PDZRN4: variants seen among roughly 807,000 people sequenced by gnomAD.
PDZRN4 encodes PDZ domain-containing RING finger protein 4.
PDZRN4 carries 70 observed loss-of-function variants against 99.0 expected under a neutral mutation model. The ratio of observed to expected loss-of-function variants is 0.71; its 90% CI spans 0.58 to 0.86. PDZRN4 has a LOEUF of 0.86. Ranked by LOEUF, PDZRN4 falls within the 40% of genes least tolerant of loss-of-function variation. PDZRN4 has a pLI of 0.00. For missense variants in PDZRN4, 1,474 were observed against 1,331.2 expected (o/e 1.11, Z -1.67); for synonymous variants, 551 against 501.6 (o/e 1.10, Z -1.32).
chr12:41,205,539 C>T (rs1409130896), intron 3 of PDZRN4, among the ~76,000 whole-genome samples: 3 of 151,874 alleles, frequency 2.0e-5, no homozygotes, highest in South Asian at 2.1e-4. Flanking sequence ...AGCACTTTCC[C>T]GTCTCAAGGA....
At chr12:41,272,533 G>A (rs149116597) in intron 3 of PDZRN4, among the ~76,000 whole-genome samples, 173 of 151,914 alleles carry the variant, frequency 1.1e-3, no homozygotes, top group African/African-American at 3.9e-3. Context: ...TAAGGGTCAC[G>A]GATTTAATTG....
chr12:41,290,401 T>TTAA (rs564989642), intron 3 of PDZRN4, among the ~76,000 whole-genome samples: 2 of 152,270 alleles, frequency 1.3e-5, no homozygotes, highest in East Asian at 3.9e-4. Flanking sequence ...AAAAGAAAAG[T>TTAA]TAATAGGTCA....
chr12:41,495,424 A>G (rs1937979212), intron 3 of PDZRN4, among the ~76,000 whole-genome samples: 1 of 152,098 alleles, frequency 6.6e-6, no homozygotes, highest in African/African-American at 2.4e-5. Context: ...GCTGGCTGTT[A>G]TAGAAAATCT....
chr12:41,507,656 T>C (rs1051002249), intron 4 of PDZRN4, among the ~76,000 whole-genome samples: 1 of 151,994 alleles, frequency 6.6e-6, no homozygotes, highest in African/African-American at 2.4e-5. Context: ...TAAATGAGAA[T>C]TCTTAGAGTA....
At chr12:41,447,026 A>G (rs1016204671) in intron 3 of PDZRN4, among the ~76,000 whole-genome samples, 2 of 152,040 alleles carry the variant, frequency 1.3e-5, no homozygotes, top group African/African-American at 4.8e-5. Context: ...GACTATAGTT[A>G]TTGAGGATCT....
At chr12:41,555,605 C>A in intron 6 of PDZRN4, 93 bp from the exon 7 acceptor site, 7 of 945,666 alleles carry the variant, frequency 7.4e-6, no homozygotes, top group Non-Finnish European at 1.2e-5. Context: ...AATTTTGAAA[C>A]AGCTTTTTCA....
At chr12:41,212,799 C>A (rs906246568) in intron 3 of PDZRN4, among the ~76,000 whole-genome samples, 1 of 151,940 alleles carries the variant, frequency 6.6e-6, no homozygotes, top group Non-Finnish European at 1.5e-5. Context: ...ACATTTATAG[C>A]ATAACTAGAA....
At chr12:41,513,577 G>A (rs1012325324) in intron 5 of PDZRN4, among the ~76,000 whole-genome samples, 1 of 151,996 alleles carries the variant, frequency 6.6e-6, no homozygotes, top group Non-Finnish European at 1.5e-5. Context: ...GGTGTTCCAT[G>A]CCACTGGAAT....
intron 3 of PDZRN4, among the ~76,000 whole-genome samples, chr12:41,302,712 A>G (rs1262359611): frequency 6.6e-6 from 1 of 152,080 alleles, no homozygotes. Context: ...GAGATGTCAC[A>G]GCCTTGTAGA....
chr12:41,304,567 A>T (rs555644655), intron 3 of PDZRN4, among the ~76,000 whole-genome samples: 111 of 152,298 alleles, frequency 7.3e-4, no homozygotes, highest in African/African-American at 2.6e-3. Context: ...AAGAGCTAAG[A>T]TTTCTTCAAC....
chr12:41,564,317 A>T (rs763933009), intron 8 of PDZRN4, among the ~76,000 whole-genome samples: 28 of 152,280 alleles, frequency 1.8e-4, no homozygotes, highest in Middle Eastern at 3.4e-3. Context: ...TTAGATCTTT[A>T]TGGAAGAAGA....
chr12:41,483,947 C>T (rs73278055), intron 3 of PDZRN4, among the ~76,000 whole-genome samples: 15,010 of 152,116 alleles, frequency 0.099, 1,924 homozygotes, highest in African/African-American at 0.28. Flanking sequence ...TTGTTGTGCT[C>T]ATCTTTTACC....
chr12:41,220,892 T>A (rs895774258), intron 3 of PDZRN4, among the ~76,000 whole-genome samples: 5 of 152,180 alleles, frequency 3.3e-5, no homozygotes, highest in South Asian at 2.1e-4. Context: ...AAGCATCTAT[T>A]TTAGGCTCCA....
chr12:41,331,050 A>T (rs1453636848), intron 3 of PDZRN4, among the ~76,000 whole-genome samples: 1 of 152,138 alleles, frequency 6.6e-6, no homozygotes. Flanking sequence ...CTAAAATCTG[A>T]ATAGACTTTG....
Position 41,552,664 on chromosome 12 carries a change from G to C in PDZRN4, c.1212G>C (p.Glu404Asp). 1 of 1,613,292 alleles carries C rather than the reference G, an allele frequency of 6.2e-7. No homozygotes were observed. Among genetic ancestry groups the C allele is most frequent in the East Asian group, 2.2e-5 (1 of 44,854 alleles). Residue 404 changes from glutamate (E) to aspartate (D), a missense_variant, in exon 6 of 10, where the codon GAG becomes GAC. Transcript: ENST00000402685. ...RTEDFEYEEVELCRVSSQEKL... is the reference protein window; with the variant it reads ...RTEDFEYEEVDLCRVSSQEKL... ...GTGTGTTGTTCTTTCAGGAGGTCGA[G>C]TTGTGTCGTGTTAGCAGTCAAGAGA...
intron 3 of PDZRN4, among the ~76,000 whole-genome samples, chr12:41,241,650 A>G (rs1458593732): frequency 1.3e-5 from 2 of 152,212 alleles, no homozygotes; most frequent in Non-Finnish European, 2.9e-5. Flanking sequence ...AATATAGTGC[A>G]AGGTCTATAA....
chr12:41,289,538 G>A (rs1274588753), intron 3 of PDZRN4, among the ~76,000 whole-genome samples: 1 of 152,176 alleles, frequency 6.6e-6, no homozygotes, highest in Non-Finnish European at 1.5e-5. Flanking sequence ...TGAGCTGCAT[G>A]AAGATGGTCA....
At chr12:41,355,947 CTA>C (rs1231916228) in intron 3 of PDZRN4, among the ~76,000 whole-genome samples, 2 of 152,082 alleles carry the variant, frequency 1.3e-5, no homozygotes, top group East Asian at 3.9e-4. Flanking sequence ...GTTCTTGCCT[CTA>C]TAGACTTTTA....
chr12:41,225,712 C>T (rs1253428017), intron 3 of PDZRN4, among the ~76,000 whole-genome samples: 1 of 152,070 alleles, frequency 6.6e-6, no homozygotes, highest in Non-Finnish European at 1.5e-5. Context: ...GAAACTTTAT[C>T]CCTTACCTCC....
Sources: gnomAD v4.1 joint callset for allele counts (sites outside exome capture counted in the v4.1 genomes callset) on GRCh38, gnomAD v4.1.1 for gene constraint, MANE v1.5 for transcripts, NCBI Gene and HGNC (gene_info 2026-07-23, HGNC 2026-07-21) for gene names.